Variants in MBOAT2 observed in about 807,000 individuals in gnomAD.
MBOAT2 encodes membrane bound glycerophospholipid O-acyltransferase 2, also known as membrane-bound glycerophospholipid O-acyltransferase 2.
A neutral mutation model predicts 63.4 loss-of-function variants in MBOAT2; 28 were observed. That is an observed-to-expected ratio of 0.44 (90% CI 0.33 to 0.61). The LOEUF is 0.61. Among genes scored for constraint, MBOAT2 ranks in the 20% least tolerant of loss-of-function variants. The pLI is 0.03. For missense variants in MBOAT2, 470 were observed against 605.8 expected (o/e 0.78, Z 2.35); for synonymous variants, 211 against 215.6 (o/e 0.98, Z 0.19).
chr2:8,873,065 C>T (rs1233846660), intron 8 of MBOAT2, 43 bp downstream of exon 8: 6 of 1,560,832 alleles, frequency 3.8e-6, no homozygotes, highest in Admixed American at 1.7e-5. Flanking sequence ...AGGTAAGAAA[C>T]GCTTCAACCA....
chr2:8,993,318 A>G (rs983952451), intron 1 of MBOAT2, among the ~76,000 whole-genome samples: 5 of 152,200 alleles, frequency 3.3e-5, no homozygotes, highest in East Asian at 1.9e-4. Flanking sequence ...CTTCTTACCT[A>G]AGAGAGACCT....
At chr2:8,938,188 C>A (rs989399313) in intron 3 of MBOAT2, among the ~76,000 whole-genome samples, 1 of 152,146 alleles carries the variant, frequency 6.6e-6, no homozygotes, top group African/African-American at 2.4e-5. Flanking sequence ...AAATTTGGCA[C>A]TCTGTATCTC....
chr2:8,884,895 C>G (rs79818831), intron 5 of MBOAT2, among the ~76,000 whole-genome samples: 141 of 152,290 alleles, frequency 9.3e-4, no homozygotes, highest in Middle Eastern at 3.4e-3. Context: ...CAATTAAAGA[C>G]AAGATATCAT....
chr2:8,974,397 G>A (rs779247955), intron 1 of MBOAT2: 23 of 456,322 alleles, frequency 5.0e-5, no homozygotes, highest in Non-Finnish European at 7.5e-5. Context: ...TGAGACACAC[G>A]GAAGGGGAAA....
At chr2:8,874,919 A>T (rs1453744384) in intron 7 of MBOAT2, among the ~76,000 whole-genome samples, 1 of 152,234 alleles carries the variant, frequency 6.6e-6, no homozygotes, top group African/African-American at 2.4e-5. Flanking sequence ...AGTAATATGT[A>T]CAGGGAAGAT....
chr2:8,928,097 G>A (rs1318785461), intron 3 of MBOAT2, among the ~76,000 whole-genome samples: 2 of 152,082 alleles, frequency 1.3e-5, no homozygotes, highest in African/African-American at 2.4e-5. Context: ...ATTCACTCAC[G>A]ACTGTGAGAA....
intron 10 of MBOAT2, 38 bp downstream of exon 10, chr2:8,864,132 C>T: frequency 6.9e-7 from 1 of 1,444,918 alleles, no homozygotes; most frequent in Admixed American, 2.3e-5. Context: ...GAACTAGACG[C>T]CAAAGCACAT....
intron 4 of MBOAT2, among the ~76,000 whole-genome samples, chr2:8,902,076 G>A (rs1316187910): frequency 6.6e-6 from 1 of 152,154 alleles, no homozygotes; most frequent in Non-Finnish European, 1.5e-5. Context: ...CCTCAGCTCA[G>A]CCCAGAGGTA....
rs1375276007 is a variant in MBOAT2 at position 8,853,833 on chromosome 2, T to C, written c.*4846A>G. ...TAAAGGCAAGACAAATTAGTTGGTG[T>C]AAAAACTGTGTATTTAGGCTGTGTT... is the stretch of plus-strand genomic sequence containing the variant. On this transcript the variant is annotated 3_prime_UTR_variant, in exon 13 of 13. Coordinates refer to ENST00000305997, the MANE Select transcript of MBOAT2 (RefSeq NM_138799.4). 2 of 152,246 alleles carry C rather than the reference T, an allele frequency of 1.3e-5. No individual in the cohort carries two copies. The highest frequency in any genetic ancestry group is 4.8e-5 in the African/African-American group (2 of 41,462). 9.4% of individuals were successfully genotyped at this position (152,246 alleles called of 1,614,324 possible).
chr2:8,963,936 T>C (rs1332606263), intron 1 of MBOAT2, among the ~76,000 whole-genome samples: 1 of 152,216 alleles, frequency 6.6e-6, no homozygotes, highest in Non-Finnish European at 1.5e-5. Context: ...AAGGGGTTCA[T>C]GTAATAATCA....
At chr2:8,881,540 C>T (rs1478160801) in intron 6 of MBOAT2, among the ~76,000 whole-genome samples, 2 of 152,094 alleles carry the variant, frequency 1.3e-5, no homozygotes, top group Non-Finnish European at 2.9e-5. Flanking sequence ...TTACCCAGGT[C>T]TGGGGATTTG....
At chr2:8,976,418 C>CT (rs1251047920) in intron 1 of MBOAT2, among the ~76,000 whole-genome samples, 2 of 151,970 alleles carry the variant, frequency 1.3e-5, no homozygotes, top group African/African-American at 4.8e-5. Context: ...ACTATGAAGC[C>CT]TAAGGAAGGG....
chr2:8,936,228 T>G (rs1390106338), intron 3 of MBOAT2, among the ~76,000 whole-genome samples: 3 of 152,196 alleles, frequency 2.0e-5, no homozygotes, highest in Admixed American at 2.0e-4. Context: ...TAACAAACAT[T>G]TGTTGCAGGA....
intron 1 of MBOAT2, among the ~76,000 whole-genome samples, chr2:8,995,590 A>ATTT (rs34038834): frequency 1.5e-4 from 20 of 134,396 alleles, no homozygotes; most frequent in East Asian, 2.1e-4. Context: ...AATACATTCC[A>ATTT]TTTTTTTTTT....
In MBOAT2 at chr2:8,862,985, T is replaced by C. The variant is rs1051912143; in HGVS notation, c.1053-263A>G. The stretch of plus-strand genomic sequence containing the variant: ...GTATATATAGTAACTTAAATGATCA[T>C]TTCTAGTATTTGGGAGTCTATACAA... On this transcript the variant is annotated intron_variant, in intron 10 of 12. Coordinates refer to ENST00000305997, the MANE Select transcript of MBOAT2 (RefSeq NM_138799.4). The surrounding 1 kb of genome is among the most constrained non-coding windows in gnomAD (Gnocchi z 4.3). 1.3e-5 allele frequency among the ~76,000 whole-genome samples: 2 copies of C among 152,150 alleles called. No individual in the cohort carries two copies. The highest frequency in any genetic ancestry group is 4.8e-5 in the African/African-American group (2 of 41,420).
intron 4 of MBOAT2, among the ~76,000 whole-genome samples, chr2:8,893,415 T>C (rs1320475002): frequency 6.6e-6 from 1 of 152,124 alleles, no homozygotes; most frequent in African/African-American, 2.4e-5. Context: ...ACATCAGCTG[T>C]GGAAAACAAG....
intron 2 of MBOAT2, among the ~76,000 whole-genome samples, chr2:8,952,213 T>A (rs1341253344): frequency 1.3e-5 from 2 of 152,246 alleles, no homozygotes; most frequent in South Asian, 4.1e-4. Context: ...TTAATTTCCA[T>A]GTAATTGTGT....
At chr2:8,880,535 C>T (rs62104410) in intron 6 of MBOAT2, among the ~76,000 whole-genome samples, 6,386 of 152,164 alleles carry the variant, frequency 0.042, 149 homozygotes, top group Middle Eastern at 0.058. Context: ...AGGCTGGAGC[C>T]GAGGGGAGTG....
At chr2:8,986,552 G>A (rs1248792317) in intron 1 of MBOAT2, among the ~76,000 whole-genome samples, 3 of 151,292 alleles carry the variant, frequency 2.0e-5, no homozygotes, top group South Asian at 2.1e-4. Flanking sequence ...GAGACAGGGC[G>A]AGATTCTGTC....
Sources: allele counts gnomAD v4.1 joint callset (sites outside exome capture counted in the v4.1 genomes callset), GRCh38; gene constraint gnomAD v4.1.1; non-coding constraint Gnocchi (gnomAD v3.1); transcripts MANE v1.5; gene names NCBI Gene and HGNC (gene_info 2026-07-23, HGNC 2026-07-21).